Variants in HRH1 observed in about 807,000 individuals in gnomAD.
The protein encoded by HRH1 is histamine H1 receptor.
A neutral mutation model predicts 10.3 loss-of-function variants in HRH1; 6 were observed. That is an observed-to-expected ratio of 0.58 (90% CI 0.32 to 1.15). The LOEUF (loss-of-function observed/expected upper bound fraction) is 1.15. Among genes scored for constraint, HRH1 ranks in the 50% most tolerant of loss-of-function variants. The pLI is 0.05. For missense variants in HRH1, 514 were observed against 615.3 expected, an observed-to-expected ratio of 0.84 and a Z score of 1.74; for synonymous variants, 242 against 236.7, an observed-to-expected ratio of 1.02 and a Z score of -0.21.
rs377570298 is a variant in HRH1, at chr3:11,206,113, C to T, written c.-36+51559C>T. Among the ~76,000 whole-genome samples, 35 of 152,062 alleles carry T rather than the reference C, an allele frequency of 2.3e-4. 2 individuals carry two copies. Among genetic ancestry groups the T allele is most frequent in the Admixed American group, 1.4e-3 (22 of 15,268 alleles). On this transcript the variant is annotated intron_variant, in intron 1 of 1. Transcript: ENST00000431010. ...GCCACCTGGTGGTTGGCTGTTTTCACATCTTTGTTTTTTTGTTTTGAGACA... is the reference window on the plus strand; with the variant it reads ...GCCACCTGGTGGTTGGCTGTTTTCATATCTTTGTTTTTTTGTTTTGAGACA...
At chr3:11,195,029 A>G (rs1937615508) in intron 1 of HRH1, among the ~76,000 whole-genome samples, 1 of 152,184 alleles carries the variant, frequency 6.6e-6, no homozygotes, top group Non-Finnish European at 1.5e-5. Context: ...GGGGTGCTCT[A>G]GATTCCCCAG....
upstream of HRH1, among the ~76,000 whole-genome samples, chr3:11,151,754 G>A (rs1188110130): frequency 6.6e-6 from 1 of 152,034 alleles, no homozygotes; most frequent in African/African-American, 2.4e-5. Context: ...TCCCACCTTG[G>A]CCTCCCCAAT....
chr3:11,211,583 A>G (rs1938328353), intron 1 of HRH1, among the ~76,000 whole-genome samples: 3 of 152,204 alleles, frequency 2.0e-5, no homozygotes, highest in South Asian at 4.1e-4. Context: ...GGGCAGCTCC[A>G]TGCCTCAGCA....
At chr3:11,180,708 G>T (rs1937335091) in intron 1 of HRH1, among the ~76,000 whole-genome samples, 1 of 152,102 alleles carries the variant, frequency 6.6e-6, no homozygotes, top group South Asian at 2.1e-4. Context: ...CCTACAATAT[G>T]TAATGTCTGT....
At chr3:11,251,052 G>T (rs186908167) in intron 1 of HRH1, among the ~76,000 whole-genome samples, 88 of 152,218 alleles carry the variant, frequency 5.8e-4, no homozygotes, top group African/African-American at 1.9e-3. Flanking sequence ...ATCTTCCCTC[G>T]TGACTTTCTT....
chr3:11,138,872 G>A (rs536850889), intron 1 of HRH1, among the ~76,000 whole-genome samples: 111 of 151,046 alleles, frequency 7.3e-4, no homozygotes, highest in African/African-American at 2.4e-3. Context: ...ACAGGGTTTT[G>A]CCATGTTGCC....
intron 1 of HRH1, among the ~76,000 whole-genome samples, chr3:11,245,090 T>A (rs562318560): frequency 1.3e-5 from 2 of 152,188 alleles, no homozygotes; most frequent in African/African-American, 4.8e-5. Flanking sequence ...TGGTGGCTAA[T>A]GCCTGTAATC....
rs1939858337 is a variant in HRH1, at chr3:11,259,012, C to G, written c.-26C>G. ...CTCTCTTTTCTCCCAGGGAGTGAGC[C>G]ATAACTGGTGGCTGCTCTTGCGCCA... is the stretch of plus-strand genomic sequence containing the variant. On this transcript the variant is annotated 5_prime_UTR_variant, in exon 2 of 2. Transcript: ENST00000431010. The surrounding 1 kb of genome is among the most constrained non-coding windows in gnomAD (Gnocchi z 4.6). 6.4e-7 allele frequency: 1 copy of G among 1,559,910 alleles called. No homozygotes were observed. The highest frequency in any genetic ancestry group is 1.9e-5 in the Admixed American group (1 of 52,256).
chr3:11,167,354 CT>C lies in HRH1; in HGVS notation c.-36+12801del, dbSNP rs1937065138. 9.2e-5 allele frequency among the ~76,000 whole-genome samples: 8 copies of C among 86,906 alleles called. 3 individuals are homozygous for C. The highest frequency in any genetic ancestry group is 3.8e-4 in the African/African-American group (8 of 20,928). 57.0% of individuals were successfully genotyped at this position (86,906 alleles called of 152,430 possible). A position where few individuals can be genotyped will look rare whatever the true frequency, so the allele number is the denominator to read the frequency against. On this transcript the variant is annotated intron_variant, in intron 1 of 1. Coordinates refer to ENST00000431010, the MANE Select transcript of HRH1 (RefSeq NM_001098212.2). The stretch of plus-strand genomic sequence containing the variant: ...CGTGACATCTGCTGTCCCCTGGCCT[CT>C]CCAGGCCCGTGACATCTGCTGTCCC...
intron 1 of HRH1, chr3:11,234,152 A>G (rs1939113024): frequency 5.6e-6 from 4 of 712,632 alleles, no homozygotes; most frequent in Non-Finnish European, 9.4e-6. Flanking sequence ...TACAGTGCAC[A>G]GGACAACAGA....
At chr3:11,208,106 C>T (rs188803835) in intron 1 of HRH1, among the ~76,000 whole-genome samples, 1 of 152,114 alleles carries the variant, frequency 6.6e-6, no homozygotes, top group East Asian at 1.9e-4. Flanking sequence ...TCTATTATTT[C>T]CTCAACACTT....
At chr3:11,154,334 C>A (rs1014218397), upstream of HRH1, among the ~76,000 whole-genome samples, 23 of 151,638 alleles carry the variant, frequency 1.5e-4, no homozygotes, top group African/African-American at 5.3e-4. This position sits in a 1 kb window ranked among gnomAD's most constrained non-coding sequence, Gnocchi z 4.4. Flanking sequence ...TCCGCGGGGG[C>A]GGCCCTGGGC....
chr3:11,250,794 C>T (rs1939629777), intron 1 of HRH1, among the ~76,000 whole-genome samples: 1 of 152,216 alleles, frequency 6.6e-6, no homozygotes, highest in African/African-American at 2.4e-5. Context: ...CCTTTCGACT[C>T]TCCCTGATGA....
At chr3:11,210,664 G>A (rs184950418) in intron 1 of HRH1, among the ~76,000 whole-genome samples, 51 of 152,154 alleles carry the variant, frequency 3.4e-4, no homozygotes, top group South Asian at 2.9e-3. Flanking sequence ...GTGGTGGTGC[G>A]CATTCACAGT....
chr3:11,170,965 G>A (rs1291629087), intron 1 of HRH1, among the ~76,000 whole-genome samples: 1 of 152,098 alleles, frequency 6.6e-6, no homozygotes, highest in African/African-American at 2.4e-5. Context: ...AGAGAGATAA[G>A]CAGTGTCATA....
At chr3:11,258,958 C>T (rs1939856565) in intron 1 of HRH1, 45 bp from the exon 2 acceptor site, 3 of 1,418,690 alleles carry the variant, frequency 2.1e-6, no homozygotes, top group Non-Finnish European at 1.9e-6. Flanking sequence ...AGTGGCCACT[C>T]ATCACCCAAG....
At chr3:11,181,471 T>C (rs1032295801) in intron 1 of HRH1, among the ~76,000 whole-genome samples, 1 of 152,020 alleles carries the variant, frequency 6.6e-6, no homozygotes, top group Non-Finnish European at 1.5e-5. Context: ...ACATTTGTTA[T>C]TGTCTTTTTT....
At chr3:11,165,168 A>T (rs183738580) in intron 1 of HRH1, among the ~76,000 whole-genome samples, 1 of 152,246 alleles carries the variant, frequency 6.6e-6, no homozygotes, top group African/African-American at 2.4e-5. Flanking sequence ...AACAAGGTTG[A>T]AATGGAGATC....
At chr3:11,159,599 C>T (rs1574980423) in intron 1 of HRH1, among the ~76,000 whole-genome samples, 1 of 152,110 alleles carries the variant, frequency 6.6e-6, no homozygotes, top group Admixed American at 6.5e-5. Flanking sequence ...ATTTACAAAC[C>T]CTTTTGTTTA....
Sources: gnomAD v4.1 joint callset for allele counts (sites outside exome capture counted in the v4.1 genomes callset) on GRCh38, gnomAD v4.1.1 for gene constraint, Gnocchi (gnomAD v3.1) non-coding constraint, MANE v1.5 for transcripts, NCBI Gene and HGNC (gene_info 2026-07-23, HGNC 2026-07-21) for gene names.